The following GLRA2 variants were observed in gnomAD, a reference collection of about 807,000 sequenced individuals.
GLRA2 encodes glycine receptor subunit alpha-2.
A neutral mutation model predicts 31.6 loss-of-function variants in GLRA2; 11 were observed. The observed-to-expected ratio is 0.35, with a 90% CI of 0.22 to 0.58. The LOEUF (loss-of-function observed/expected upper bound fraction) is 0.58, where lower values mean the gene tolerates loss of function less well. Among genes scored for constraint, GLRA2 ranks in the 20% least tolerant of loss-of-function variants. The probability of loss-of-function intolerance (pLI) is 0.84; values close to 1 mark genes in which losing one functional copy is unlikely to be tolerated. For synonymous variants in GLRA2, 132 were observed against 134.0 expected, an observed-to-expected ratio of 0.99 and a Z score of 0.10; for missense variants, 212 against 351.8, an observed-to-expected ratio of 0.60 and a Z score of 3.18.
chrX:14,472,218 C>A, the GLRA2 span, among the ~76,000 whole-genome samples: 3 of 112,077 alleles, frequency 2.7e-5, no homozygotes, highest in Non-Finnish European at 5.6e-5. Flanking sequence ...CACTGTCTCT[C>A]CTGAGCTATG....
chrX:14,589,442 G>A (rs1303850257), intron 4 of GLRA2, among the ~76,000 whole-genome samples: 1 of 104,686 alleles, frequency 9.6e-6, no homozygotes, highest in Non-Finnish European at 1.9e-5. Flanking sequence ...GGTGGATCAT[G>A]AGGTCAGGAG....
At chrX:14,651,652 A>T (rs2090891461) in intron 7 of GLRA2, among the ~76,000 whole-genome samples, 1 of 111,922 alleles carries the variant, frequency 8.9e-6, no homozygotes, top group Non-Finnish European at 1.9e-5. Flanking sequence ...AGTAGGCTAT[A>T]CAGTCTAGGT....
chrX:14,526,442 A>G (rs770782058), upstream of GLRA2, among the ~76,000 whole-genome samples: 5 of 112,399 alleles, frequency 4.4e-5, no homozygotes, highest in Admixed American at 9.4e-5. Flanking sequence ...GTAGTAGAAG[A>G]CCAGCTGTTG....
intron 7 of GLRA2, among the ~76,000 whole-genome samples, chrX:14,650,626 AT>A (rs2090879464): frequency 9.0e-6 from 1 of 111,252 alleles, no homozygotes; most frequent in Non-Finnish European, 1.9e-5. Context: ...ACCAAAAAAA[AT>A]GTAACTTGTG....
At chrX:14,603,203 T>C (rs1452099414) in intron 4 of GLRA2, among the ~76,000 whole-genome samples, 2 of 111,289 alleles carry the variant, frequency 1.8e-5, no homozygotes, top group Non-Finnish European at 3.8e-5. Context: ...TTCACATCTT[T>C]TTTGGCCATT....
intron 7 of GLRA2, among the ~76,000 whole-genome samples, chrX:14,671,420 GAA>G (rs1201082883): frequency 8.9e-6 from 1 of 112,163 alleles, no homozygotes; most frequent in Non-Finnish European, 1.9e-5. Context: ...TGTAAATAGT[GAA>G]AAGAGAAAAG....
chrX:14,647,931 AG>A (rs1162695037), intron 7 of GLRA2, among the ~76,000 whole-genome samples: 1 of 112,399 alleles, frequency 8.9e-6, no homozygotes, highest in African/African-American at 3.2e-5. Context: ...AAAGCTGGAA[AG>A]GTTGGAGGAT....
chrX:14,610,204 T>C (rs1416876840), intron 7 of GLRA2, among the ~76,000 whole-genome samples: 3 of 112,196 alleles, frequency 2.7e-5, no homozygotes, highest in Non-Finnish European at 5.6e-5. Context: ...TTTTGCTGGC[T>C]TGAGTTTATG....
At chrX:14,614,400 T>C (rs1246740797) in intron 7 of GLRA2, among the ~76,000 whole-genome samples, 2 of 111,438 alleles carry the variant, frequency 1.8e-5, no homozygotes, top group Non-Finnish European at 3.8e-5. Flanking sequence ...CCATCTCCTC[T>C]TAGCTATCAC....
rs757968964 is a variant in GLRA2 at position 14,595,837 on chromosome X, C to T, written c.495-8478C>T. Among the ~76,000 whole-genome samples, 4 of 111,769 alleles carry T rather than the reference C, an allele frequency of 3.6e-5. No individual in the cohort carries two copies. In the South Asian group the frequency reaches 1.1e-3, roughly 32 times the overall value. On this transcript the variant is annotated intron_variant, in intron 4 of 8. Coordinates refer to ENST00000218075, the MANE Select transcript of GLRA2 (RefSeq NM_002063.4). ...TAAGTGGGAGAGTTGGAAACAACTT[C>T]GAAAAGTTCAATAATAAATTGAAAC...
rs1422046195 is a variant in GLRA2, at chrX:14,731,732, AATT to A, written c.*1249_*1251del. The A allele has an allele frequency of 8.9e-6, 1 of 111,912 alleles. No individual in the cohort carries two copies. The highest frequency in any genetic ancestry group is 9.5e-5 in the Admixed American group (1 of 10,473). The allele number at this position is 111,912 out of a possible 1,213,427, so 9.2% of individuals were successfully genotyped here. A position where few individuals can be genotyped will look rare whatever the true frequency, so the allele number is the denominator to read the frequency against. ...AAAAGACAACCTGTAAAAATATAAT[AATT>A]AAATTTTACATGTGCTGTACAAGGG... On this transcript the variant is annotated 3_prime_UTR_variant, in exon 9 of 9. Transcript: ENST00000218075.
intron 8 of GLRA2, among the ~76,000 whole-genome samples, chrX:14,698,960 T>G: frequency 9.0e-6 from 1 of 111,445 alleles, no homozygotes; most frequent in East Asian, 2.8e-4. Context: ...GGGGTCACTT[T>G]CAAGGAGTGG....
the GLRA2 span, among the ~76,000 whole-genome samples, chrX:14,481,655 A>G: frequency 8.9e-6 from 1 of 112,054 alleles, no homozygotes; most frequent in Non-Finnish European, 1.9e-5. Flanking sequence ...GGATATTCTA[A>G]TAAGCCAATT....
At chrX:14,468,670 G>GT in the GLRA2 span, among the ~76,000 whole-genome samples, 1 of 111,889 alleles carries the variant, frequency 8.9e-6, no homozygotes, top group Non-Finnish European at 1.9e-5. Context: ...TGTCCTTTGG[G>GT]TATATACCCA....
intron 2 of GLRA2, among the ~76,000 whole-genome samples, chrX:14,567,502 A>G (rs1043213157): frequency 1.8e-5 from 2 of 112,294 alleles, no homozygotes; most frequent in South Asian, 3.6e-4. Flanking sequence ...ACATGATCCA[A>G]CTATAGGCCA....
chrX:14,510,511 G>A, the GLRA2 span, among the ~76,000 whole-genome samples: 15 of 111,063 alleles, frequency 1.4e-4, no homozygotes, highest in Non-Finnish European at 2.5e-4. Context: ...GGGACAAAGG[G>A]GGAAAACAGA....
At chrX:14,541,965 G>C (rs1269963484) in intron 2 of GLRA2, among the ~76,000 whole-genome samples, 1 of 111,438 alleles carries the variant, frequency 9.0e-6, no homozygotes, top group African/African-American at 3.3e-5. Flanking sequence ...AAAGCCACCT[G>C]AGAGTCTGGT....
chrX:14,523,490 G>T, the GLRA2 span, among the ~76,000 whole-genome samples: 3 of 111,875 alleles, frequency 2.7e-5, no homozygotes, highest in South Asian at 1.1e-3. Flanking sequence ...TCATGACTTG[G>T]CTGTCTGTGC....
chrX:14,484,045 C>T, the GLRA2 span, among the ~76,000 whole-genome samples: 1 of 111,431 alleles, frequency 9.0e-6, no homozygotes, highest in Non-Finnish European at 1.9e-5. Flanking sequence ...AGCCTGCAGA[C>T]GGCCTATGTG....
Sources: gnomAD v4.1 joint callset for allele counts (sites outside exome capture counted in the v4.1 genomes callset) on GRCh38, gnomAD v4.1.1 for gene constraint, MANE v1.5 for transcripts, NCBI Gene and HGNC (gene_info 2026-07-23, HGNC 2026-07-21) for gene names.